The following REDIC1 variants were observed in gnomAD, a reference collection of about 807,000 sequenced individuals.
REDIC1 encodes HEI10 Interacting Protein 1.
the REDIC1 span, among the ~76,000 whole-genome samples, chr12:39,766,875 T>C: frequency 6.6e-6 from 1 of 152,072 alleles, no homozygotes; most frequent in Non-Finnish European, 1.5e-5. Flanking sequence ...TCTACAATAG[T>C]TCTCTTGCTG....
chr12:39,713,885 A>T, the REDIC1 span, among the ~76,000 whole-genome samples: 1 of 148,660 alleles, frequency 6.7e-6, no homozygotes, highest in Non-Finnish European at 1.5e-5. Context: ...ATTTACGTAT[A>T]TACACTTATA....
At chr12:39,677,436 A>ATT in the REDIC1 span, among the ~76,000 whole-genome samples, 1 of 152,118 alleles carries the variant, frequency 6.6e-6, no homozygotes, top group African/African-American at 2.4e-5. Context: ...GAGCTCCCAA[A>ATT]TTTATAAAAC....
the REDIC1 span, among the ~76,000 whole-genome samples, chr12:39,896,243 T>C: frequency 5.4e-4 from 54 of 100,388 alleles, no homozygotes; most frequent in African/African-American, 1.4e-3. Flanking sequence ...TGTGTATATA[T>C]GTATACATGT....
the REDIC1 span, among the ~76,000 whole-genome samples, chr12:39,847,960 C>T: frequency 6.6e-6 from 1 of 152,136 alleles, no homozygotes; most frequent in African/African-American, 2.4e-5. Flanking sequence ...GGCTATATCT[C>T]ATGCTTTGTT....
the REDIC1 span, among the ~76,000 whole-genome samples, chr12:39,848,227 CAGAGT>C: frequency 6.6e-6 from 1 of 152,150 alleles, no homozygotes; most frequent in African/African-American, 2.4e-5. Context: ...AAACTATCAA[CAGAGT>C]AAACAGACAA....
the REDIC1 span, among the ~76,000 whole-genome samples, chr12:39,701,437 C>A: frequency 6.6e-6 from 1 of 152,158 alleles, no homozygotes; most frequent in Non-Finnish European, 1.5e-5. Flanking sequence ...ATTCATAAAG[C>A]AAGATTCCTG....
At chr12:39,662,714 A>G in the REDIC1 span, among the ~76,000 whole-genome samples, 1 of 152,080 alleles carries the variant, frequency 6.6e-6, no homozygotes, top group African/African-American at 2.4e-5. Context: ...TCTAGTTCTT[A>G]AAAGAAAGGC....
chr12:39,775,860 T>C, the REDIC1 span, among the ~76,000 whole-genome samples: 4 of 152,230 alleles, frequency 2.6e-5, no homozygotes, highest in African/African-American at 9.6e-5. Context: ...TTTCAGATTT[T>C]GGAATATTTT....
At chr12:39,779,115 G>A in the REDIC1 span, among the ~76,000 whole-genome samples, 1 of 152,196 alleles carries the variant, frequency 6.6e-6, no homozygotes, top group Non-Finnish European at 1.5e-5. Flanking sequence ...GATCTCAGTG[G>A]CTACTAGCCC....
chr12:39,877,189 G>A, the REDIC1 span, among the ~76,000 whole-genome samples: 1 of 152,118 alleles, frequency 6.6e-6, no homozygotes, highest in South Asian at 2.1e-4. Flanking sequence ...ACACATCTAA[G>A]ACTGGGTAAT....
chr12:39,867,532 T>C, the REDIC1 span, among the ~76,000 whole-genome samples: 3 of 152,250 alleles, frequency 2.0e-5, no homozygotes, highest in Admixed American at 2.0e-4. Context: ...ATGGTACAAC[T>C]ATCCTAAATG....
the REDIC1 span, among the ~76,000 whole-genome samples, chr12:39,828,718 T>C: frequency 6.6e-6 from 1 of 152,048 alleles, no homozygotes; most frequent in Non-Finnish European, 1.5e-5. Flanking sequence ...CTTAGTTTTT[T>C]TTTTTTCCTA....
chr12:39,850,749 T>C, the REDIC1 span, among the ~76,000 whole-genome samples: 71 of 152,336 alleles, frequency 4.7e-4, no homozygotes, highest in East Asian at 3.5e-3. Context: ...AGATTTGTTG[T>C]TTTAGGAAGT....
chr12:39,883,108 A>G, the REDIC1 span, among the ~76,000 whole-genome samples: 1 of 152,324 alleles, frequency 6.6e-6, no homozygotes, highest in East Asian at 1.9e-4. Context: ...CTTTTAAAGT[A>G]TATAATTCAG....
chr12:39,722,801 G>T, the REDIC1 span, among the ~76,000 whole-genome samples: 2 of 152,112 alleles, frequency 1.3e-5, no homozygotes, highest in African/African-American at 4.8e-5. Flanking sequence ...ATTTAATCTT[G>T]CCCCAAAAGC....
chr12:39,765,916 C>T, the REDIC1 span, among the ~76,000 whole-genome samples: 2 of 152,034 alleles, frequency 1.3e-5, no homozygotes, highest in African/African-American at 2.4e-5. Flanking sequence ...TGCATTGTTT[C>T]CTTCTCTGTG....
chr12:39,857,922 C>A, the REDIC1 span, among the ~76,000 whole-genome samples: 1 of 152,172 alleles, frequency 6.6e-6, no homozygotes, highest in Admixed American at 6.5e-5. Flanking sequence ...TCCTTCTTGT[C>A]TTTCTGGCTT....
At chr12:39,712,696 CGTGTATATATGTATATAGA>C in the REDIC1 span, among the ~76,000 whole-genome samples, 3 of 3,952 alleles carry the variant, frequency 7.6e-4, no homozygotes, top group Admixed American at 2.0e-3. Flanking sequence ...TATACGTATA[CGTGTATATATGTATATAGA>C]CGTATACGTG....
chr12:39,712,328 G>T, the REDIC1 span, among the ~76,000 whole-genome samples: 1 of 107,064 alleles, frequency 9.3e-6, no homozygotes, highest in Admixed American at 1.0e-4. Flanking sequence ...ATATACATAT[G>T]TTTATATACC....
Sources: gnomAD v4.1 joint callset for allele counts (sites outside exome capture counted in the v4.1 genomes callset) on GRCh38, gnomAD v4.1.1 for gene constraint, MANE v1.5 for transcripts, NCBI Gene and HGNC (gene_info 2026-07-23, HGNC 2026-07-21) for gene names.